Variants in TSHR observed in about 807,000 individuals in gnomAD.
The protein encoded by TSHR is thyroid stimulating hormone receptor.
Under a neutral mutation model 64.1 loss-of-function variants are expected in TSHR, and 51 were observed. That is an observed-to-expected ratio of 0.80 (90% CI 0.64 to 1.01). The LOEUF is 1.01. Ranked by LOEUF, TSHR falls within the 50% of genes least tolerant of loss-of-function variation. The pLI is 0.00. For synonymous variants in TSHR, 361 were observed against 361.9 expected (o/e 1.00, Z 0.03); for missense variants, 877 against 942.8 (o/e 0.93, Z 0.91).
intron 1 of TSHR, among the ~76,000 whole-genome samples, chr14:80,990,163 T>C (rs1036983129): frequency 6.6e-5 from 10 of 152,206 alleles, no homozygotes; most frequent in Admixed American, 4.6e-4. Flanking sequence ...CAGAGATTAC[T>C]TGCTGATGTG....
At chr14:81,093,311 T>G (rs1287217390) in intron 6 of TSHR, among the ~76,000 whole-genome samples, 25 of 152,212 alleles carry the variant, frequency 1.6e-4, no homozygotes, top group Admixed American at 1.6e-3. Context: ...ATTAGGGATA[T>G]TCACAAAATG....
chr14:80,986,711 G>A (rs564277360), intron 1 of TSHR, among the ~76,000 whole-genome samples: 3 of 152,232 alleles, frequency 2.0e-5, no homozygotes, highest in East Asian at 1.9e-4. Context: ...GGTCTCAAAC[G>A]CTTGACCTCA....
At chr14:81,115,320 C>A (rs1285573467) in intron 8 of TSHR, among the ~76,000 whole-genome samples, 1 of 150,222 alleles carries the variant, frequency 6.7e-6, no homozygotes, top group Non-Finnish European at 1.5e-5. Flanking sequence ...ATAACCAATA[C>A]AGAGAAGTGC....
At chr14:81,060,878 G>A (rs1408035283) in intron 1 of TSHR, among the ~76,000 whole-genome samples, 1 of 152,104 alleles carries the variant, frequency 6.6e-6, no homozygotes, top group South Asian at 2.1e-4. Flanking sequence ...AGATTCTCAA[G>A]TAGTAACTAT....
intron 1 of TSHR, among the ~76,000 whole-genome samples, chr14:81,060,986 C>T (rs1170401463): frequency 6.6e-6 from 1 of 152,086 alleles, no homozygotes; most frequent in African/African-American, 2.4e-5. Context: ...CAGTCTCCAC[C>T]TTCTGAAGAG....
chr14:81,023,346 C>G (rs941046862), intron 1 of TSHR, among the ~76,000 whole-genome samples: 4 of 152,196 alleles, frequency 2.6e-5, no homozygotes, highest in African/African-American at 9.6e-5. Context: ...TCCACTGAGT[C>G]CCTCCCACAG....
intron 1 of TSHR, among the ~76,000 whole-genome samples, chr14:80,999,608 A>C (rs1889198831): frequency 6.6e-6 from 1 of 152,226 alleles, no homozygotes; most frequent in South Asian, 2.1e-4. Flanking sequence ...TTTAATTATA[A>C]AGCTAAAAGT....
intron 1 of TSHR, among the ~76,000 whole-genome samples, chr14:81,008,214 C>T (rs918909711): frequency 6.6e-6 from 1 of 151,646 alleles, no homozygotes; most frequent in Non-Finnish European, 1.5e-5. Context: ...GCTCTGTCAC[C>T]CAGGCTGGAG....
At chr14:81,102,281 A>G (rs8006667) in intron 7 of TSHR, among the ~76,000 whole-genome samples, 17,285 of 151,962 alleles carry the variant, frequency 0.11, 2,725 homozygotes, top group African/African-American at 0.36. Context: ...TTCTCCTCAG[A>G]CCATATCATG....
At chr14:81,118,838 C>A (rs935164280) in intron 8 of TSHR, among the ~76,000 whole-genome samples, 216 of 150,682 alleles carry the variant, frequency 1.4e-3, no homozygotes, top group African/African-American at 5.1e-3. Context: ...AGATATAGAT[C>A]AATGGAACAG....
intron 1 of TSHR, among the ~76,000 whole-genome samples, chr14:80,981,686 T>C (rs781626382): frequency 6.6e-6 from 1 of 152,128 alleles, no homozygotes; most frequent in Non-Finnish European, 1.5e-5. Flanking sequence ...TTCATTTGGA[T>C]CCAAGGTCCA....
At chr14:81,106,456 G>A (rs1334226963) in intron 7 of TSHR, among the ~76,000 whole-genome samples, 1 of 152,106 alleles carries the variant, frequency 6.6e-6, no homozygotes, top group Admixed American at 6.5e-5. Flanking sequence ...CCAACAAATA[G>A]TTACAGAGAT....
intron 1 of TSHR, among the ~76,000 whole-genome samples, chr14:81,003,925 G>A (rs753153973): frequency 3.3e-5 from 5 of 151,918 alleles, no homozygotes; most frequent in Non-Finnish European, 5.9e-5. Context: ...TAGTAACATC[G>A]CCAGAACCTG....
intron 3 of TSHR, among the ~76,000 whole-genome samples, chr14:81,071,205 T>C (rs1887043820): frequency 6.6e-6 from 1 of 152,176 alleles, no homozygotes; most frequent in Admixed American, 6.5e-5. Context: ...GAAAAAATAA[T>C]AAAACTAATA....
intron 1 of TSHR, among the ~76,000 whole-genome samples, chr14:81,058,776 A>G (rs1886010439): frequency 6.6e-6 from 1 of 152,232 alleles, no homozygotes; most frequent in African/African-American, 2.4e-5. Flanking sequence ...TTCAAAATGT[A>G]TTCTGAAATT....
intron 5 of TSHR, 98 bp downstream of exon 5, chr14:81,091,241 T>C (rs1888712249): frequency 1.8e-6 from 2 of 1,107,190 alleles, no homozygotes; most frequent in African/African-American, 1.5e-5. Flanking sequence ...AGTAAAGCAA[T>C]TGTTTCAAGG....
intron 1 of TSHR, among the ~76,000 whole-genome samples, chr14:81,037,934 C>CAAAAAAAAAA (rs561276007): frequency 2.8e-5 from 4 of 142,546 alleles, no homozygotes; most frequent in African/African-American, 2.6e-5. Flanking sequence ...TGAAAATCAG[C>CAAAAAAAAAA]AAAAAAAAAA....
At chr14:81,048,985 G>A (rs751659879) in intron 1 of TSHR, among the ~76,000 whole-genome samples, 6 of 152,104 alleles carry the variant, frequency 3.9e-5, no homozygotes, top group Non-Finnish European at 8.8e-5. Flanking sequence ...CCAGAAATAT[G>A]CCACAGGAAT....
chr14:81,144,013 C>T lies in TSHR; in HGVS notation c.1955C>T (p.Pro652Leu), dbSNP rs1219173892. ...GCTCTGTCAGCAATTCTGAACAAGC[C>T]TCTCATCACTGTTAGCAACTCCAAA... is the stretch of plus-strand genomic sequence containing the variant. The part of the protein sequence containing the change: ...FYALSAILNK[P>L]LITVSNSKIL... Residue 652 changes from proline (P) to leucine (L), a missense_variant, in exon 10 of 10, where the codon CCT (proline) becomes CTT (leucine). Transcript: ENST00000298171. The T allele has an allele frequency of 1.2e-6, 2 of 1,614,070 alleles. No homozygotes were observed. Among genetic ancestry groups the T allele is most frequent in the Non-Finnish European group, 1.7e-6 (2 of 1,180,050 alleles).
Sources: allele counts gnomAD v4.1 joint callset (sites outside exome capture counted in the v4.1 genomes callset), GRCh38; gene constraint gnomAD v4.1.1; transcripts MANE v1.5; gene names NCBI Gene and HGNC (gene_info 2026-07-23, HGNC 2026-07-21).